RRH: variants seen among roughly 807,000 people sequenced by gnomAD.
RRH encodes the protein visual pigment-like receptor peropsin.
In RRH, 36 loss-of-function variants were observed where a neutral mutation model predicts 33.1. That is an observed-to-expected ratio of 1.09 (90% CI 0.83 to 1.44). RRH has a LOEUF of 1.44. RRH is among the 40% of genes most tolerant of loss of function. The pLI is 0.00. For missense variants in RRH, 393 were observed against 420.2 expected, an observed-to-expected ratio of 0.94 and a Z score of 0.57; for synonymous variants, 124 against 140.2, an observed-to-expected ratio of 0.88 and a Z score of 0.82.
rs1000082528 is a variant in RRH, at chr4:109,844,475, A to G, written c.*278A>G. ...TTCTCCCTATTATGGCATGCATTAC[A>G]CTGTACTGATGACCTTTAACTTGCC... On this transcript the variant is annotated 3_prime_UTR_variant, in exon 7 of 7. Coordinates refer to ENST00000317735, the MANE Select transcript of RRH (RefSeq NM_006583.5). 5.9e-6 allele frequency: 2 copies of G among 341,872 alleles called. No homozygotes were observed. The highest frequency in any genetic ancestry group is 1.4e-4 in the East Asian group (2 of 14,018). 21.2% of individuals were successfully genotyped at this position (341,872 alleles called of 1,614,324 possible). A position where few individuals can be genotyped will look rare whatever the true frequency, so the allele number is the denominator to read the frequency against.
At chr4:109,838,727 C>T (rs939944797) in intron 5 of RRH, among the ~76,000 whole-genome samples, 1 of 152,198 alleles carries the variant, frequency 6.6e-6, no homozygotes. Context: ...CTCCTAGCTT[C>T]CAGCATTGCT....
At chr4:109,829,943 T>G (rs191163712) in intron 1 of RRH, among the ~76,000 whole-genome samples, 90 of 152,274 alleles carry the variant, frequency 5.9e-4, no homozygotes, top group Non-Finnish European at 1.2e-3. Context: ...TTAACAAAAC[T>G]CACTTAAAGT....
chr4:109,840,182 T>G (rs1733960219), intron 5 of RRH, among the ~76,000 whole-genome samples: 1 of 152,142 alleles, frequency 6.6e-6, no homozygotes, highest in Non-Finnish European at 1.5e-5. Context: ...AGATTGTATC[T>G]CATTGTGGTT....
Position 109,831,619 on chromosome 4 carries a change from G to A in RRH, c.107-1520G>A, listed in dbSNP as rs115404109. On this transcript the variant is annotated intron_variant, in intron 1 of 6. Coordinates refer to ENST00000317735, the MANE Select transcript of RRH (RefSeq NM_006583.5). ...TTGAAGGATGGATGGCATTTGGATA[G>A]GAAAAGAGAAGGAGCAGGGTGCTCC... Among the ~76,000 whole-genome samples, 450 of 152,240 alleles carry A rather than the reference G, an allele frequency of 3.0e-3. 1 individual carries two copies. The highest frequency in any genetic ancestry group is 5.3e-3 in the Non-Finnish European group (360 of 68,000).
chr4:109,835,859 T>G, intron 3 of RRH, 148 bp from the exon 4 acceptor site: 1 of 836,846 alleles, frequency 1.2e-6, no homozygotes, highest in Non-Finnish European at 2.1e-6. Flanking sequence ...GTTACTTTTA[T>G]TAGGTGTTGC....
intron 1 of RRH, among the ~76,000 whole-genome samples, chr4:109,830,906 T>C (rs1330366107): frequency 6.6e-6 from 1 of 151,598 alleles, no homozygotes; most frequent in Non-Finnish European, 1.5e-5. Flanking sequence ...GTTTCAAGAG[T>C]GAAGGAGAAA....
intron 5 of RRH, among the ~76,000 whole-genome samples, chr4:109,839,614 C>T (rs936710236): frequency 3.3e-5 from 5 of 152,170 alleles, no homozygotes; most frequent in Non-Finnish European, 1.5e-5. Flanking sequence ...CCTCCTCCCT[C>T]CCTCTACCCT....
In RRH at chr4:109,835,365, G is replaced by A. The variant is rs926293282; in HGVS notation, c.298-1G>A. On this transcript the variant is annotated splice_acceptor_variant, in intron 2 of 6. Coordinates refer to ENST00000317735, the MANE Select transcript of RRH (RefSeq NM_006583.5). LOFTEE classifies it high-confidence loss of function. Reference sequence around the variant, plus strand: ...AGAGTCTTTTCAATTTTGGTTTTCAGGTTTATGCTGGATTGAATATTTTTT... The same window carrying A: ...AGAGTCTTTTCAATTTTGGTTTTCAAGTTTATGCTGGATTGAATATTTTTT... 32 of 1,612,692 alleles carry A rather than the reference G, an allele frequency of 2.0e-5. No individual in the cohort carries two copies. Among genetic ancestry groups the A allele is most frequent in the African/African-American group, 2.7e-5 (2 of 74,866 alleles).
At chr4:109,834,434 A>G (rs1396245073) in intron 2 of RRH, among the ~76,000 whole-genome samples, 2 of 146,618 alleles carry the variant, frequency 1.4e-5, no homozygotes, top group Admixed American at 1.4e-4. Flanking sequence ...GGTTCACACC[A>G]TTCTCCTGCC....
At chr4:109,835,566 G>T (rs1733864556) in intron 3 of RRH, 101 bp downstream of exon 3, 1 of 872,510 alleles carries the variant, frequency 1.1e-6, no homozygotes, top group Admixed American at 1.8e-5. Flanking sequence ...TTTGTAGTTA[G>T]GGTCAGTTTT....
At chr4:109,835,727 C>T (rs1316024032) in intron 3 of RRH, among the ~76,000 whole-genome samples, 2 of 152,054 alleles carry the variant, frequency 1.3e-5, no homozygotes, top group African/African-American at 2.4e-5. Context: ...GTTTGGAAAG[C>T]TACTCTTCCT....
intron 5 of RRH, among the ~76,000 whole-genome samples, chr4:109,839,853 C>G (rs568975465): frequency 3.9e-5 from 6 of 152,162 alleles, no homozygotes; most frequent in Admixed American, 6.5e-5. Flanking sequence ...TTTATCCAGT[C>G]TATCATTGAT....
At chr4:109,829,824 T>C (rs1195427405) in intron 1 of RRH, among the ~76,000 whole-genome samples, 2 of 152,178 alleles carry the variant, frequency 1.3e-5, no homozygotes, top group Non-Finnish European at 2.9e-5. Flanking sequence ...TGTGTGTTGT[T>C]TGTGTTTCTG....
At chr4:109,840,489 A>G (rs1241340709) in intron 5 of RRH, among the ~76,000 whole-genome samples, 2 of 152,050 alleles carry the variant, frequency 1.3e-5, no homozygotes, top group Non-Finnish European at 2.9e-5. Context: ...CTATTTGTCA[A>G]CTTTTGCTTC....
Position 109,844,327 on chromosome 4 carries a change from C to G in RRH, c.*130C>G. On this transcript the variant is annotated 3_prime_UTR_variant, in exon 7 of 7. Coordinates refer to ENST00000317735, the MANE Select transcript of RRH (RefSeq NM_006583.5). ...TATGAGAGTGTAAGCTCCTCAAGCA[C>G]AGCTCGTGCTTCTGTTTGTGCACTC... 1 of 656,010 alleles carries G rather than the reference C, an allele frequency of 1.5e-6. No homozygotes were observed. Among genetic ancestry groups the G allele is most frequent in the African/African-American group, 1.8e-5 (1 of 55,610 alleles). The allele number at this position is 656,010 out of a possible 1,614,324, so 40.6% of individuals were successfully genotyped here. A position where few individuals can be genotyped will look rare whatever the true frequency, so the allele number is the denominator to read the frequency against.
In RRH at chr4:109,844,892, A is replaced by G. The variant is rs1034838799; in HGVS notation, c.*695A>G. ...GATGTATCCTTAGCACATATACCCA[A>G]TTCTGTCTGGCATGTAGTAGGCACT... On this transcript the variant is annotated 3_prime_UTR_variant, in exon 7 of 7. Transcript: ENST00000317735. Among the ~76,000 whole-genome samples the G allele has an allele frequency of 1.3e-5, 2 of 152,156 alleles. No individual in the cohort carries two copies. The highest frequency in any genetic ancestry group is 6.5e-5 in the Admixed American group (1 of 15,278).
chr4:109,832,533 T>TGTGTGTGTGTGTG (rs1286881723), intron 1 of RRH, among the ~76,000 whole-genome samples: 5 of 143,352 alleles, frequency 3.5e-5, no homozygotes, highest in African/African-American at 7.7e-5. Flanking sequence ...TGTGTGTGTG[T>TGTGTGTGTGTGTG]TGGAATGAAG....
In RRH at chr4:109,828,016, C is replaced by A. The variant is rs778768746; in HGVS notation, c.-12C>A. On this transcript the variant is annotated 5_prime_UTR_variant, in exon 1 of 7. Transcript: ENST00000317735. ...CTTATTATGAAGGGTGTTTCGGTAT[C>A]TTCCCTCCAAAATGCTAAGAAATAA... 6.5e-7 allele frequency: 1 copy of A among 1,548,060 alleles called. No homozygotes were observed. The highest frequency in any genetic ancestry group is 1.1e-5 in the South Asian group (1 of 89,652).
In RRH at chr4:109,829,628, C is replaced by T. The variant is rs541729698; in HGVS notation, c.106+1495C>T. 1.1e-3 allele frequency among the ~76,000 whole-genome samples: 166 copies of T among 152,220 alleles called. 5 individuals carry two copies. The South Asian group carries it at 0.034, about 31-fold the overall frequency. On this transcript the variant is annotated intron_variant, in intron 1 of 6. Coordinates refer to ENST00000317735, the MANE Select transcript of RRH (RefSeq NM_006583.5). Reference sequence around the variant, plus strand: ...CCTTACACATACAGAATAATTCATCCTTACACTAATTTAGTAAGTTACTCT... The same window carrying T: ...CCTTACACATACAGAATAATTCATCTTTACACTAATTTAGTAAGTTACTCT...
Sources: gnomAD v4.1 joint callset for allele counts (sites outside exome capture counted in the v4.1 genomes callset) on GRCh38, gnomAD v4.1.1 for gene constraint, MANE v1.5 for transcripts, NCBI Gene and HGNC (gene_info 2026-07-23, HGNC 2026-07-21) for gene names.